ITGAE: variants seen among roughly 807,000 people sequenced by gnomAD.
ITGAE encodes integrin alpha-E.
Under a neutral mutation model 136.5 loss-of-function variants are expected in ITGAE, and 99 were observed. The ratio of observed to expected loss-of-function variants is 0.73; its 90% CI spans 0.62 to 0.86. The LOEUF (loss-of-function observed/expected upper bound fraction) is 0.86. ITGAE is among the 40% of genes least tolerant of loss of function. The pLI is 0.00. For synonymous variants in ITGAE, 613 were observed against 591.8 expected, an observed-to-expected ratio of 1.04 and a Z score of -0.52; for missense variants, 1,447 against 1,515.3, an observed-to-expected ratio of 0.95 and a Z score of 0.75.
chr17:3,766,717 A>C (rs1395843585), intron 2 of ITGAE, among the ~76,000 whole-genome samples: 2 of 151,804 alleles, frequency 1.3e-5, no homozygotes, highest in Non-Finnish European at 2.9e-5. Flanking sequence ...CAGGAGAATC[A>C]CTTGAACCTG....
intron 19 of ITGAE, among the ~76,000 whole-genome samples, chr17:3,743,145 C>A (rs370942208): frequency 1.3e-5 from 2 of 152,366 alleles, no homozygotes; most frequent in South Asian, 4.1e-4. Context: ...CCACAAGGAA[C>A]CCCCATCACA....
rs541017879 is a variant in ITGAE, at chr17:3,778,803, G to C, written c.35-1143C>G. On this transcript the variant is annotated intron_variant, in intron 1 of 30. Coordinates refer to ENST00000263087, the MANE Select transcript of ITGAE (RefSeq NM_002208.5). ...TTCACCATAAACAACTAGAATACTG[G>C]ACAAAACCTATAAAATGTTTTCAGA... is the stretch of plus-strand genomic sequence containing the variant. Among the ~76,000 whole-genome samples, 13 of 152,196 alleles carry C rather than the reference G, an allele frequency of 8.5e-5. 1 individual carries two copies. Among genetic ancestry groups the C allele is most frequent in the South Asian group, 4.2e-4 (2 of 4,814 alleles).
intron 1 of ITGAE, among the ~76,000 whole-genome samples, chr17:3,779,468 C>T (rs2052615234): frequency 6.6e-6 from 1 of 152,004 alleles, no homozygotes; most frequent in South Asian, 2.1e-4. Context: ...GCTGGGATTA[C>T]AGGCGCCTGC....
chr17:3,724,466 C>T (rs778072030), intron 26 of ITGAE: 3 of 1,613,854 alleles, frequency 1.9e-6, no homozygotes, highest in African/African-American at 2.7e-5. Flanking sequence ...CGCCCTGCCC[C>T]GGGTCCCCAA....
At chr17:3,762,294 A>G (rs1043534610) in intron 3 of ITGAE, among the ~76,000 whole-genome samples, 4 of 152,056 alleles carry the variant, frequency 2.6e-5, no homozygotes, top group African/African-American at 9.7e-5. Flanking sequence ...GCTTTTCCTC[A>G]GTGGGTTTGG....
At position 3,761,179 on chromosome 17, in the gene ITGAE, T is replaced by G; in HGVS notation, c.434-2A>C. On this transcript the variant is annotated splice_acceptor_variant, in intron 5 of 30. Coordinates refer to ENST00000263087, the MANE Select transcript of ITGAE (RefSeq NM_002208.5). LOFTEE classifies it high-confidence loss of function. ...GTGCATCTGGATCCAGGAGATTTTC[T>G]TTAAAAACACACATGGAAGAGCTCA... The G allele has an allele frequency of 6.3e-7, 1 of 1,578,478 alleles. No homozygotes were observed. Among genetic ancestry groups the G allele is most frequent in the Admixed American group, 1.7e-5 (1 of 57,314 alleles).
chr17:3,783,841 T>C, intron 1 of ITGAE, among the ~76,000 whole-genome samples: 1 of 152,226 alleles, frequency 6.6e-6, no homozygotes, highest in Non-Finnish European at 1.5e-5. Flanking sequence ...TTTAAATCTG[T>C]ATTTATCCAA....
intron 6 of ITGAE, 40 bp from the exon 7 acceptor site, chr17:3,760,327 G>T: frequency 8.1e-7 from 1 of 1,241,270 alleles, no homozygotes. Flanking sequence ...CATGGGATGT[G>T]AGGCAGATGT....
At chr17:3,795,043 T>C (rs778492824) in intron 1 of ITGAE, among the ~76,000 whole-genome samples, 7 of 152,040 alleles carry the variant, frequency 4.6e-5, no homozygotes, top group Non-Finnish European at 1.0e-4. Context: ...GCAAAGCCCG[T>C]CTTTTGTGGC....
rs775743181 is a variant in ITGAE at position 3,798,531 on chromosome 17, G to A, written c.34+2580C>T. Among the ~76,000 whole-genome samples the A allele has an allele frequency of 4.6e-5, 7 of 152,170 alleles. No individual in the cohort carries two copies. The highest frequency in any genetic ancestry group is 8.8e-5 in the Non-Finnish European group (6 of 67,982). ...GCCTGTACTTGCCAAGGACCTCCCC[G>A]TCCTTCAGAGCCCACCTCAGATGCT... On this transcript the variant is annotated intron_variant, in intron 1 of 30. Transcript: ENST00000263087. The surrounding 1 kb of genome is among the most constrained non-coding windows in gnomAD (Gnocchi z 4.3).
At chr17:3,765,078 G>A (rs1218966088) in intron 2 of ITGAE, among the ~76,000 whole-genome samples, 16 of 151,148 alleles carry the variant, frequency 1.1e-4, no homozygotes, top group Admixed American at 3.3e-4. Flanking sequence ...GGCCGGGCGC[G>A]GTGGCTCACG....
At chr17:3,735,050 G>T in intron 20 of ITGAE, 101 bp from the exon 21 acceptor site, 1 of 1,353,228 alleles carries the variant, frequency 7.4e-7, no homozygotes, top group Non-Finnish European at 1.0e-6. Flanking sequence ...TGGTGCTGTG[G>T]TGCAATGATC....
rs1211543549 is a variant in ITGAE, at chr17:3,714,634, GA to G, written c.*212del. The G allele has an allele frequency of 2.3e-6, 1 of 437,820 alleles. No homozygotes were observed. Among genetic ancestry groups the G allele is most frequent in the Non-Finnish European group, 4.0e-6 (1 of 249,588 alleles). 27.1% of individuals were successfully genotyped at this position (437,820 alleles called of 1,614,324 possible). A position where few individuals can be genotyped will look rare whatever the true frequency, so the allele number is the denominator to read the frequency against. On this transcript the variant is annotated 3_prime_UTR_variant, in exon 31 of 31. Transcript: ENST00000263087. ...TCCAGATTAAAGGCACTACTGCAAA[GA>G]AAAGTGTAAATTTATTTAATACCAA...
chr17:3,779,677 G>C (rs1305598992), intron 1 of ITGAE, among the ~76,000 whole-genome samples: 1 of 152,068 alleles, frequency 6.6e-6, no homozygotes, highest in Non-Finnish European at 1.5e-5. Context: ...TTGCTGGATG[G>C]GTAGATAGAT....
chr17:3,755,777 C>A, intron 11 of ITGAE, 53 bp downstream of exon 11: 1 of 1,510,184 alleles, frequency 6.6e-7, no homozygotes, highest in South Asian at 1.2e-5. Context: ...TCCTAGGTGT[C>A]CTGGGCCCCT....
intron 21 of ITGAE, among the ~76,000 whole-genome samples, chr17:3,733,457 T>G (rs2051391975): frequency 6.6e-6 from 1 of 152,218 alleles, no homozygotes; most frequent in Non-Finnish European, 1.5e-5. Flanking sequence ...AGTCCTGCTC[T>G]GTTGCCCAGG....
chr17:3,797,176 T>G (rs1167892720), intron 1 of ITGAE, among the ~76,000 whole-genome samples: 2 of 126,432 alleles, frequency 1.6e-5, no homozygotes, highest in Non-Finnish European at 3.4e-5. Flanking sequence ...TTTTTTTTTT[T>G]TTTTTTTGAG....
At chr17:3,790,439 G>T (rs150561501) in intron 1 of ITGAE, among the ~76,000 whole-genome samples, 1 of 151,574 alleles carries the variant, frequency 6.6e-6, no homozygotes, top group Non-Finnish European at 1.5e-5. Flanking sequence ...CCTGGGAGGC[G>T]GAGGTTGCAG....
intron 11 of ITGAE, 65 bp downstream of exon 11, chr17:3,755,765 A>C: frequency 7.0e-7 from 1 of 1,428,808 alleles, no homozygotes. Flanking sequence ...GGAGTCCCTG[A>C]ATCCTAGGTG....
Sources: allele counts gnomAD v4.1 joint callset (sites outside exome capture counted in the v4.1 genomes callset), GRCh38; gene constraint gnomAD v4.1.1; non-coding constraint Gnocchi (gnomAD v3.1); transcripts MANE v1.5; gene names NCBI Gene and HGNC (gene_info 2026-07-23, HGNC 2026-07-21).